KIAA1549L: variants seen among roughly 807,000 people sequenced by gnomAD.
KIAA1549L encodes the protein UPF0606 protein KIAA1549L.
KIAA1549L carries 88 observed loss-of-function variants against 160.7 expected under a neutral mutation model. The observed-to-expected ratio is 0.55, with a 90% confidence interval of 0.46 to 0.65. KIAA1549L has a LOEUF of 0.65. KIAA1549L is among the 30% of genes least tolerant of loss of function. The pLI is 0.00. For missense variants in KIAA1549L, 2,258 were observed against 2,437.5 expected (o/e 0.93, Z 1.55); for synonymous variants, 950 against 976.7 (o/e 0.97, Z 0.51).
At chr11:33,568,003 A>G (rs1590351307) in intron 8 of KIAA1549L, 73 bp from the exon 9 acceptor site, 2 of 1,459,562 alleles carry the variant, frequency 1.4e-6, no homozygotes, top group Admixed American at 2.2e-5. Flanking sequence ...GTGCAGGGTC[A>G]GTGGTGCTTG....
At position 33,558,057 on chromosome 11, in the gene KIAA1549L, G is replaced by T. The variant is rs567439175; in HGVS notation, c.3856-1692G>T. On this transcript the variant is annotated intron_variant, in intron 6 of 20. Coordinates refer to ENST00000658780, the MANE Select transcript of KIAA1549L (RefSeq NM_012194.3). The stretch of plus-strand genomic sequence containing the variant: ...GACTTGATCATTACACATTCTATGC[G>T]TGTAAGAAAATATCACATGTACTGC... 1.2e-4 allele frequency among the ~76,000 whole-genome samples: 19 copies of T among 152,292 alleles called. No individual in the cohort carries two copies. The East Asian group carries it at 3.3e-3, about 26-fold the overall frequency.
chr11:33,459,689 C>A (rs560385823), intron 1 of KIAA1549L, among the ~76,000 whole-genome samples: 1 of 152,038 alleles, frequency 6.6e-6, no homozygotes, highest in African/African-American at 2.4e-5. Context: ...GGGCCGGGCG[C>A]GGTGGCTCAT....
At chr11:33,477,566 G>C (rs1402962871) in intron 1 of KIAA1549L, among the ~76,000 whole-genome samples, 1 of 149,402 alleles carries the variant, frequency 6.7e-6, no homozygotes, top group African/African-American at 2.5e-5. Flanking sequence ...TTTGCATGTG[G>C]TTCTCTTCGG....
rs755032134 is a variant in KIAA1549L at position 33,668,001 on chromosome 11, C to G, written c.6288C>G (p.Pro2096=). 2.2e-5 allele frequency: 35 copies of G among 1,613,838 alleles called. No homozygotes were observed. The highest frequency in any genetic ancestry group is 3.0e-5 in the Non-Finnish European group (35 of 1,179,918). The change falls in exon 21 of 21, where the codon CCC becomes CCG. Residue 2096 remains proline (P), a synonymous_variant. Transcript: ENST00000658780. ...LHPSLEQAPA[P]STAASQQSLA... is the part of the protein sequence containing the mutation. ...CCAGCCTGGAGCAGGCCCCGGCGCC[C>G]TCCACAGCGGCCTCGCAGCAGAGCC...
In KIAA1549L at chr11:33,670,658, C is replaced by T. The variant is rs748115509; in HGVS notation, c.*2504C>T. On this transcript the variant is annotated 3_prime_UTR_variant, in exon 21 of 21. Coordinates refer to ENST00000658780, the MANE Select transcript of KIAA1549L (RefSeq NM_012194.3). ...ATGTGGTCCCTTCCCTGAAGAATCT[C>T]CTAACCTCATAGAGGTGAGAGAGAT... 4.6e-5 allele frequency: 7 copies of T among 152,206 alleles called. No homozygotes were observed. The highest frequency in any genetic ancestry group is 3.3e-4 in the Admixed American group (5 of 15,272). The allele number at this position is 152,206 out of a possible 1,614,324, so 9.4% of individuals were successfully genotyped here. A position where few individuals can be genotyped will look rare whatever the true frequency, so the allele number is the denominator to read the frequency against.
chr11:33,655,056 C>T (rs985324312), intron 17 of KIAA1549L, among the ~76,000 whole-genome samples: 2 of 152,136 alleles, frequency 1.3e-5, no homozygotes, highest in Non-Finnish European at 2.9e-5. Context: ...GGATGAGAAC[C>T]GCAAGTGAAG....
rs1161737454 is a variant in KIAA1549L at position 33,435,782 on chromosome 11, A to ATGTGTGTGTG, written c.238+58894_238+58895insGTGTGTGTGT. ...AAGATATATATATATATATATATAT[A>ATGTGTGTGTG]TATATATATATATATATATATATAT... On this transcript the variant is annotated intron_variant, in intron 1 of 20. Coordinates refer to ENST00000658780, the MANE Select transcript of KIAA1549L (RefSeq NM_012194.3). Among the ~76,000 whole-genome samples the ATGTGTGTGTG allele has an allele frequency of 3.7e-4, 8 of 21,388 alleles. 1 individual carries two copies. The East Asian group carries it at 7.4e-3, about 20-fold the overall frequency. The allele number at this position is 21,388 out of a possible 152,430, so 14.0% of individuals were successfully genotyped here. A position where few individuals can be genotyped will look rare whatever the true frequency, so the allele number is the denominator to read the frequency against.
chr11:33,556,408 A>G (rs959855460), intron 6 of KIAA1549L, among the ~76,000 whole-genome samples: 7 of 152,248 alleles, frequency 4.6e-5, no homozygotes, highest in African/African-American at 1.7e-4. Flanking sequence ...GAAGCAACCC[A>G]TGTGTCCATT....
At chr11:33,456,872 C>T (rs558584999) in intron 1 of KIAA1549L, among the ~76,000 whole-genome samples, 1 of 152,246 alleles carries the variant, frequency 6.6e-6, no homozygotes, top group Non-Finnish European at 1.5e-5. Flanking sequence ...TTCTCCCCAT[C>T]ATCTGCTCAG....
intron 16 of KIAA1549L, among the ~76,000 whole-genome samples, chr11:33,644,327 A>G (rs1021901910): frequency 3.9e-5 from 6 of 152,226 alleles, no homozygotes; most frequent in Non-Finnish European, 8.8e-5. Flanking sequence ...AAAGGTAAAT[A>G]TACTTTTTAA....
At chr11:33,610,702 C>T (rs930183282) in intron 15 of KIAA1549L, among the ~76,000 whole-genome samples, 18 of 152,220 alleles carry the variant, frequency 1.2e-4, no homozygotes, top group African/African-American at 4.3e-4. Flanking sequence ...GGAGTCCTGT[C>T]CCAGCAAGGA....
At chr11:33,653,528 A>C (rs1430718304) in intron 17 of KIAA1549L, among the ~76,000 whole-genome samples, 1 of 152,182 alleles carries the variant, frequency 6.6e-6, no homozygotes, top group Non-Finnish European at 1.5e-5. Flanking sequence ...GGCTGCTTTT[A>C]AGATCTCTTT....
At chr11:33,598,643 T>A (rs1850272612) in intron 12 of KIAA1549L, among the ~76,000 whole-genome samples, 177 bp from the exon 13 acceptor site, 1 of 152,230 alleles carries the variant, frequency 6.6e-6, no homozygotes, top group South Asian at 2.1e-4. Context: ...GCCAGCTGCT[T>A]AACCCACGCT....
At chr11:33,587,151 T>C (rs1241350287) in intron 11 of KIAA1549L, among the ~76,000 whole-genome samples, 8 of 152,232 alleles carry the variant, frequency 5.3e-5, no homozygotes, top group Non-Finnish European at 1.2e-4. Context: ...ATATAATAAA[T>C]ACTACCTATA....
chr11:33,646,689 G>T (rs1234805755), intron 17 of KIAA1549L, among the ~76,000 whole-genome samples: 1 of 152,202 alleles, frequency 6.6e-6, no homozygotes, highest in East Asian at 1.9e-4. Context: ...ACTTGTGCGA[G>T]GACATCTGTC....
In KIAA1549L at chr11:33,658,756, C is replaced by T; in HGVS notation, c.5865C>T (p.Thr1955=). The T allele has an allele frequency of 6.4e-7, 1 of 1,573,122 alleles. No homozygotes were observed. The highest frequency in any genetic ancestry group is 1.2e-5 in the South Asian group (1 of 84,972). Residue 1955 remains threonine, a synonymous_variant, in exon 19 of 21, where the codon ACC becomes ACT. Coordinates refer to ENST00000658780, the MANE Select transcript of KIAA1549L (RefSeq NM_012194.3). ...GTCCCTCTGCCCCATCTAGATCCACCTCAGACATCGGCAGCAAGACCAGAA... is the reference window on the plus strand; with the variant it reads ...GTCCCTCTGCCCCATCTAGATCCACTTCAGACATCGGCAGCAAGACCAGAA... ...PVAVASLRRS[T]SDIGSKTRMA...
chr11:33,511,493 G>T (rs1410722095), intron 1 of KIAA1549L, among the ~76,000 whole-genome samples: 3 of 152,206 alleles, frequency 2.0e-5, no homozygotes, highest in Non-Finnish European at 2.9e-5. Context: ...TTTCCAATGG[G>T]AAGATGCTGG....
chr11:33,487,481 A>G (rs2133060140), intron 1 of KIAA1549L, among the ~76,000 whole-genome samples: 1 of 150,070 alleles, frequency 6.7e-6, no homozygotes, highest in South Asian at 2.1e-4. Context: ...TGTTTGTTGA[A>G]TGACTGAGTG....
chr11:33,641,559 T>G (rs1851579331), intron 16 of KIAA1549L, among the ~76,000 whole-genome samples: 1 of 97,158 alleles, frequency 1.0e-5, no homozygotes, highest in Non-Finnish European at 2.1e-5. Flanking sequence ...AACTATAGTA[T>G]GGTAATGGAT....
Sources: allele counts gnomAD v4.1 joint callset (sites outside exome capture counted in the v4.1 genomes callset), GRCh38; gene constraint gnomAD v4.1.1; transcripts MANE v1.5; gene names NCBI Gene and HGNC (gene_info 2026-07-23, HGNC 2026-07-21).